Variants in TRIM24 observed in about 807,000 individuals in gnomAD.
TRIM24 encodes the protein tripartite motif containing 24.
TRIM24 carries 29 observed loss-of-function variants against 123.9 expected under a neutral mutation model. The observed-to-expected ratio is 0.23, with a 90% confidence interval of 0.17 to 0.32. The LOEUF is 0.32. Among genes scored for constraint, TRIM24 ranks in the 10% least tolerant of loss-of-function variants. The probability of loss-of-function intolerance (pLI) is 1.00; values close to 1 mark genes in which losing one functional copy is unlikely to be tolerated. For missense variants in TRIM24, 932 were observed against 1,295.3 expected (o/e 0.72, Z 4.31); for synonymous variants, 456 against 461.1 (o/e 0.99, Z 0.14).
At chr7:138,575,113 A>G (rs994769240) in intron 12 of TRIM24, among the ~76,000 whole-genome samples, 9 of 152,212 alleles carry the variant, frequency 5.9e-5, no homozygotes, top group African/African-American at 2.2e-4. Flanking sequence ...AGTGAAAACA[A>G]GTATACAGAA....
At chr7:138,525,152 T>A in intron 4 of TRIM24, 89 bp from the exon 5 acceptor site, 1 of 588,064 alleles carries the variant, frequency 1.7e-6, no homozygotes, top group Non-Finnish European at 2.8e-6. Flanking sequence ...TTCTTTATAA[T>A]CCTATTTTAT....
intron 1 of TRIM24, among the ~76,000 whole-genome samples, chr7:138,483,250 A>T (rs182212738): frequency 9.2e-5 from 14 of 151,940 alleles, no homozygotes; most frequent in East Asian, 3.9e-4. Flanking sequence ...ATGTTAAAAA[A>T]TTTTTTTTTC....
In TRIM24 at chr7:138,554,397, C is replaced by A. The variant is rs1797274757; in HGVS notation, c.1262-301C>A. Among the ~76,000 whole-genome samples, 1 of 151,926 alleles carries A rather than the reference C, an allele frequency of 6.6e-6. No individual in the cohort carries two copies. Among genetic ancestry groups the A allele is most frequent in the Non-Finnish European group, 1.5e-5 (1 of 67,998 alleles). On this transcript the variant is annotated intron_variant, in intron 8 of 18. Coordinates refer to ENST00000343526, the MANE Select transcript of TRIM24 (RefSeq NM_015905.3). The surrounding 1 kb of genome is among the most constrained non-coding windows in gnomAD (Gnocchi z 4.5). ...AACATCAAACAGTATTTTAAAATATCAAAAAATGTTTACCAAATATTTTAC... is the reference window on the plus strand; with the variant it reads ...AACATCAAACAGTATTTTAAAATATAAAAAAATGTTTACCAAATATTTTAC...
chr7:138,514,192 A>C (rs1027490204), intron 2 of TRIM24, among the ~76,000 whole-genome samples: 1 of 152,124 alleles, frequency 6.6e-6, no homozygotes, highest in Non-Finnish European at 1.5e-5. Flanking sequence ...GTGGAAAAAA[A>C]TTTTACTGTC....
rs1271810130 is a variant in TRIM24 at position 138,586,032 on chromosome 7, TTTTTC to T, written c.*1086_*1090del. On this transcript the variant is annotated 3_prime_UTR_variant, in exon 19 of 19. Coordinates refer to ENST00000343526, the MANE Select transcript of TRIM24 (RefSeq NM_015905.3). The stretch of plus-strand genomic sequence containing the variant: ...TTTTTCCTGAAGCATCTATCTCATG[TTTTTC>T]TTTTGAGAGTCAGAACATCAAACTT... The T allele has an allele frequency of 3.0e-5, 13 of 439,538 alleles. No individual in the cohort carries two copies. Among genetic ancestry groups the T allele is most frequent in the East Asian group, 2.8e-4 (5 of 17,546 alleles). 27.2% of individuals were successfully genotyped at this position (439,538 alleles called of 1,614,324 possible). A position where few individuals can be genotyped will look rare whatever the true frequency, so the allele number is the denominator to read the frequency against.
chr7:138,585,101 G>T lies in TRIM24; in HGVS notation c.*150G>T. 1 of 559,328 alleles carries T rather than the reference G, an allele frequency of 1.8e-6. No homozygotes were observed. Among genetic ancestry groups the T allele is most frequent in the South Asian group, 3.6e-5 (1 of 27,572 alleles). The allele number at this position is 559,328 out of a possible 1,614,324, so 34.6% of individuals were successfully genotyped here. On this transcript the variant is annotated 3_prime_UTR_variant, in exon 19 of 19. Transcript: ENST00000343526. Reference sequence around the variant, plus strand: ...TTACTAGACTTTGATTTCCTTAATAGCCCATTTCTGTTAACCTCTTATCAC... The same window carrying T: ...TTACTAGACTTTGATTTCCTTAATATCCCATTTCTGTTAACCTCTTATCAC...
chr7:138,467,247 T>C (rs1795162775), intron 1 of TRIM24, among the ~76,000 whole-genome samples: 1 of 152,258 alleles, frequency 6.6e-6, no homozygotes, highest in African/African-American at 2.4e-5. Flanking sequence ...GAATCAGCTT[T>C]TCAGTTTCTA....
At chr7:138,502,409 TTACTC>T (rs1405334253) in intron 1 of TRIM24, among the ~76,000 whole-genome samples, 1 of 152,236 alleles carries the variant, frequency 6.6e-6, no homozygotes. Context: ...TTATCATGTA[TTACTC>T]TTTTATAGAA....
intron 1 of TRIM24, among the ~76,000 whole-genome samples, chr7:138,477,277 G>A (rs1795425225): frequency 6.6e-6 from 1 of 152,076 alleles, no homozygotes; most frequent in African/African-American, 2.4e-5. Flanking sequence ...CGGAGATCAG[G>A]CCACTGCACT....
chr7:138,572,684 A>ATCTT (rs1014569619), intron 11 of TRIM24, among the ~76,000 whole-genome samples: 42 of 152,362 alleles, frequency 2.8e-4, no homozygotes, highest in African/African-American at 9.4e-4. Flanking sequence ...GGACTTAATT[A>ATCTT]TCTTATAGAA....
At chr7:138,488,282 T>C (rs1277281885) in intron 1 of TRIM24, among the ~76,000 whole-genome samples, 2 of 151,884 alleles carry the variant, frequency 1.3e-5, no homozygotes, top group Non-Finnish European at 2.9e-5. Context: ...TGTTGATCTT[T>C]TCAAAAAAAA....
At chr7:138,555,931 C>T (rs1445792078) in intron 9 of TRIM24, among the ~76,000 whole-genome samples, 2 of 152,132 alleles carry the variant, frequency 1.3e-5, no homozygotes, top group South Asian at 2.1e-4. Context: ...TCTTACATAC[C>T]GTAGCACATT....
At chr7:138,548,148 A>G (rs1420204716) in intron 7 of TRIM24, among the ~76,000 whole-genome samples, 1 of 152,172 alleles carries the variant, frequency 6.6e-6, no homozygotes, top group East Asian at 1.9e-4. Context: ...GCATTCTGAG[A>G]AATGGTAATT....
intron 1 of TRIM24, among the ~76,000 whole-genome samples, chr7:138,498,067 C>T (rs1368577446): frequency 6.6e-6 from 1 of 151,682 alleles, no homozygotes; most frequent in Non-Finnish European, 1.5e-5. Context: ...GTCACCTAGG[C>T]TGGGGTGCAG....
chr7:138,491,294 A>G (rs1795775005), intron 1 of TRIM24: 2 of 220,370 alleles, frequency 9.1e-6, no homozygotes, highest in South Asian at 1.6e-4. Context: ...CTTTCTAAGA[A>G]AATGGATCAA....
chr7:138,460,808 G>A lies in TRIM24; in HGVS notation c.260G>A (p.Arg87His). The A allele has an allele frequency of 1.3e-6, 2 of 1,579,820 alleles. No homozygotes were observed. The highest frequency in any genetic ancestry group is 1.7e-6 in the Non-Finnish European group (2 of 1,167,366). ...FCQRCLPAPQ[R>H]YLMLPAPMLG... Reference sequence around the variant, plus strand: ...CAGCGCTGCCTGCCCGCGCCCCAGCGCTACCTCATGCTGCCCGCGCCCATG... The same window carrying A: ...CAGCGCTGCCTGCCCGCGCCCCAGCACTACCTCATGCTGCCCGCGCCCATG... Residue 87 changes from arginine to histidine, a missense_variant, in exon 1 of 19, where the codon CGC (arginine) becomes CAC (histidine). Arg to His is a conservative substitution (Grantham distance 29, BLOSUM62 0). Around this residue, in one of 7 missense-constraint regions of TRIM24, gnomAD observed 164 missense variants for 181.9 expected, o/e 0.90. Coordinates refer to ENST00000343526, the MANE Select transcript of TRIM24 (RefSeq NM_015905.3).
At chr7:138,461,050 G>T (rs1376192333) in intron 1 of TRIM24, 138 bp downstream of exon 1, 1 of 930,636 alleles carries the variant, frequency 1.1e-6, no homozygotes, top group African/African-American at 1.6e-5. Context: ...GAGGGTCTGT[G>T]CTGGCGACGG....
intron 9 of TRIM24, among the ~76,000 whole-genome samples, chr7:138,565,051 A>T (rs527896093): frequency 4.6e-5 from 7 of 152,200 alleles, no homozygotes; most frequent in Admixed American, 2.0e-4. Flanking sequence ...CCATATGTGG[A>T]ACACTGTTAG....
chr7:138,534,032 G>C (rs949339983), intron 6 of TRIM24, among the ~76,000 whole-genome samples: 1 of 152,156 alleles, frequency 6.6e-6, no homozygotes, highest in Admixed American at 6.5e-5. Context: ...TCTGATGGTA[G>C]TTTGTATTTC....
Sources: gnomAD v4.1 joint callset for allele counts (sites outside exome capture counted in the v4.1 genomes callset) on GRCh38, gnomAD v4.1.1 for gene constraint, gnomAD v4.1.1 regional missense constraint, Gnocchi (gnomAD v3.1) non-coding constraint, MANE v1.5 for transcripts, NCBI Gene and HGNC (gene_info 2026-07-23, HGNC 2026-07-21) for gene names.